MAGI2: variants seen among roughly 807,000 people sequenced by gnomAD.
The protein encoded by MAGI2 is membrane associated guanylate kinase, WW and PDZ domain containing 2, also known as membrane-associated guanylate kinase, WW and PDZ domain-containing protein 2.
In MAGI2, 35 loss-of-function variants were observed where a neutral mutation model predicts 133.3. The ratio of observed to expected loss-of-function variants is 0.26; its 90% CI spans 0.20 to 0.35. MAGI2 has a LOEUF of 0.35. MAGI2 is among the 10% of genes least tolerant of loss of function. The pLI, the probability that MAGI2 is intolerant of heterozygous loss-of-function variation, is 1.00. For synonymous variants in MAGI2, 729 were observed against 710.6 expected, an observed-to-expected ratio of 1.03 and a Z score of -0.41; for missense variants, 1,636 against 1,863.4, an observed-to-expected ratio of 0.88 and a Z score of 2.25.
rs549295291 is a variant in MAGI2 at position 79,006,988 on chromosome 7, C to T, written c.418+102G>A. 3 of 832,472 alleles carry T rather than the reference C, an allele frequency of 3.6e-6. No individual in the cohort carries two copies. In the South Asian group the frequency reaches 7.2e-5, roughly 20 times the overall value. 51.6% of individuals were successfully genotyped at this position (832,472 alleles called of 1,614,324 possible). Reference sequence around the variant, plus strand: ...ATAAGTTTTCTGTTCCAAAAGCCCACTATAAAAAATAAGTGCAATTTCACT... The same window carrying T: ...ATAAGTTTTCTGTTCCAAAAGCCCATTATAAAAAATAAGTGCAATTTCACT... On this transcript the variant is annotated intron_variant, in intron 2 of 21. Coordinates refer to ENST00000354212, the MANE Select transcript of MAGI2 (RefSeq NM_012301.4).
At chr7:78,280,256 A>T (rs1031950340) in intron 9 of MAGI2, among the ~76,000 whole-genome samples, 1 of 152,152 alleles carries the variant, frequency 6.6e-6, no homozygotes, top group African/African-American at 2.4e-5. Flanking sequence ...ACTGAGGCTC[A>T]TCACCCCACA....
chr7:78,307,682 C>A (rs1191193671), intron 9 of MAGI2, among the ~76,000 whole-genome samples: 1 of 152,052 alleles, frequency 6.6e-6, no homozygotes, highest in Admixed American at 6.6e-5. Context: ...TTGAGGTAGA[C>A]CTTAATGAAT....
chr7:78,843,928 T>C (rs1225924003), intron 2 of MAGI2, among the ~76,000 whole-genome samples: 1 of 149,498 alleles, frequency 6.7e-6, no homozygotes, highest in Admixed American at 6.7e-5. Context: ...TACAATTCAT[T>C]TTTGATTATT....
At chr7:79,318,025 C>T (rs1285436349) in intron 1 of MAGI2, among the ~76,000 whole-genome samples, 1 of 152,142 alleles carries the variant, frequency 6.6e-6, no homozygotes, top group Non-Finnish European at 1.5e-5. Flanking sequence ...TGTGAATTCA[C>T]TCCATCTCCA....
chr7:78,650,455 G>C (rs1455728409), intron 2 of MAGI2, among the ~76,000 whole-genome samples: 1 of 152,112 alleles, frequency 6.6e-6, no homozygotes, highest in Admixed American at 6.6e-5. Flanking sequence ...ATTTCCATGG[G>C]AGTAAGCAAA....
chr7:78,155,752 G>C (rs999229215), intron 16 of MAGI2, among the ~76,000 whole-genome samples: 10 of 152,178 alleles, frequency 6.6e-5, no homozygotes, highest in Non-Finnish European at 1.2e-4. Context: ...CACTGACCTC[G>C]GAAGGAAGCA....
intron 4 of MAGI2, among the ~76,000 whole-genome samples, chr7:78,504,162 A>G (rs1186731596): frequency 6.6e-6 from 1 of 152,154 alleles, no homozygotes; most frequent in Non-Finnish European, 1.5e-5. Flanking sequence ...GGAAGTGGAG[A>G]AAAGGTAGGA....
At chr7:78,396,621 T>C (rs1324771050) in intron 6 of MAGI2, among the ~76,000 whole-genome samples, 2 of 152,200 alleles carry the variant, frequency 1.3e-5, no homozygotes, top group Non-Finnish European at 2.9e-5. Context: ...TTCTACCATA[T>C]AACATTTTAC....
At chr7:78,861,439 C>G (rs1442450516) in intron 2 of MAGI2, among the ~76,000 whole-genome samples, 2 of 152,204 alleles carry the variant, frequency 1.3e-5, no homozygotes, top group Admixed American at 1.3e-4. Context: ...GACCTCTTCT[C>G]ACTTACTCTT....
chr7:78,406,397 C>T (rs1158546046), intron 6 of MAGI2, among the ~76,000 whole-genome samples: 2 of 152,010 alleles, frequency 1.3e-5, no homozygotes, highest in Non-Finnish European at 2.9e-5. Flanking sequence ...TTATACAGGG[C>T]ATGCATTTTT....
At chr7:78,936,280 C>T (rs1219415457) in intron 2 of MAGI2, among the ~76,000 whole-genome samples, 3 of 151,822 alleles carry the variant, frequency 2.0e-5, no homozygotes, top group Non-Finnish European at 4.4e-5. Context: ...CATTACTTGG[C>T]ACCATGCTAA....
At chr7:78,879,983 G>T (rs1795721510) in intron 2 of MAGI2, among the ~76,000 whole-genome samples, 2 of 152,072 alleles carry the variant, frequency 1.3e-5, no homozygotes, top group African/African-American at 4.8e-5. Flanking sequence ...TCAGAGATTA[G>T]GGACTGATCT....
At chr7:78,239,521 T>C (rs1790905311) in intron 10 of MAGI2, among the ~76,000 whole-genome samples, 2 of 150,794 alleles carry the variant, frequency 1.3e-5, no homozygotes, top group Admixed American at 1.3e-4. Flanking sequence ...GGATAAAGGG[T>C]TAATATCTAA....
chr7:79,108,529 TC>T (rs1314025789), intron 1 of MAGI2, among the ~76,000 whole-genome samples: 13 of 152,346 alleles, frequency 8.5e-5, no homozygotes, highest in African/African-American at 2.9e-4. Context: ...TTTTTCTCAA[TC>T]CTGATTGTGA....
chr7:79,173,475 G>A (rs777570091), intron 1 of MAGI2, among the ~76,000 whole-genome samples: 43 of 151,830 alleles, frequency 2.8e-4, no homozygotes, highest in Non-Finnish European at 5.4e-4. Flanking sequence ...GCAGGCACAC[G>A]ACTCCACACC....
intron 6 of MAGI2, among the ~76,000 whole-genome samples, chr7:78,389,521 G>T (rs960238117): frequency 1.3e-5 from 2 of 152,170 alleles, no homozygotes; most frequent in Admixed American, 6.6e-5. Context: ...TGATGTGTCC[G>T]CTGTGGCACT....
At chr7:78,401,131 T>TAAAACTAAA (rs1796822829) in intron 6 of MAGI2, among the ~76,000 whole-genome samples, 3 of 152,088 alleles carry the variant, frequency 2.0e-5, no homozygotes, top group African/African-American at 7.2e-5. Context: ...AGGGTGCTTT[T>TAAAACTAAA]AGTCCCCTTC....
At chr7:79,157,559 G>A (rs77546795) in intron 1 of MAGI2, among the ~76,000 whole-genome samples, 67 of 138,302 alleles carry the variant, frequency 4.8e-4, no homozygotes, top group African/African-American at 5.3e-4. Flanking sequence ...CTCCTTTTAA[G>A]AAAAAAAAAA....
intron 1 of MAGI2, among the ~76,000 whole-genome samples, chr7:79,158,046 C>T (rs4730680): frequency 0.73 from 110,763 of 151,240 alleles, 41,972 homozygotes; most frequent in Non-Finnish European, 0.84. Flanking sequence ...TTAATTTCCC[C>T]TTGGCACGCC....
Sources: allele counts gnomAD v4.1 joint callset (sites outside exome capture counted in the v4.1 genomes callset), GRCh38; gene constraint gnomAD v4.1.1; transcripts MANE v1.5; gene names NCBI Gene and HGNC (gene_info 2026-07-23, HGNC 2026-07-21).